Variants in DLST observed in about 807,000 individuals in gnomAD.
The protein encoded by DLST is dihydrolipoyllysine-residue succinyltransferase component of 2-oxoglutarate dehydrogenase complex, mitochondrial.
DLST carries 17 observed loss-of-function variants against 53.1 expected under a neutral mutation model. The ratio of observed to expected loss-of-function variants is 0.32; its 90% CI spans 0.22 to 0.48. The LOEUF is 0.48. Among genes scored for constraint, DLST ranks in the 20% least tolerant of loss-of-function variants. The pLI, the probability that DLST is intolerant of heterozygous loss-of-function variation, is 0.99. For synonymous variants in DLST, 206 were observed against 204.8 expected, an observed-to-expected ratio of 1.01 and a Z score of -0.05; for missense variants, 512 against 583.9, an observed-to-expected ratio of 0.88 and a Z score of 1.27.
intron 10 of DLST, among the ~76,000 whole-genome samples, chr14:74,898,117 C>T (rs922550245): frequency 6.6e-6 from 1 of 152,004 alleles, no homozygotes; most frequent in African/African-American, 2.4e-5. Context: ...TCTGTGACTT[C>T]TAGACCATGA....
At chr14:74,891,438 T>TA in intron 7 of DLST, 1 of 1,108,014 alleles carries the variant, frequency 9.0e-7, no homozygotes, top group Non-Finnish European at 1.1e-6. Context: ...TTCTTATAGA[T>TA]ATACAGATTG....
At chr14:74,884,071 C>T (rs1334000753) in intron 2 of DLST, among the ~76,000 whole-genome samples, 4 of 152,086 alleles carry the variant, frequency 2.6e-5, no homozygotes, top group African/African-American at 9.7e-5. Context: ...TAAAGGCTTC[C>T]CTGAAGAAGT....
chr14:74,893,948 A>C (rs1477083951), intron 9 of DLST, among the ~76,000 whole-genome samples: 1 of 152,208 alleles, frequency 6.6e-6, no homozygotes, highest in Non-Finnish European at 1.5e-5. Context: ...TTCCACAAAT[A>C]GCTATTCTTA....
intron 9 of DLST, 148 bp downstream of exon 9, chr14:74,893,572 A>T: frequency 1.3e-6 from 1 of 798,700 alleles, no homozygotes; most frequent in Admixed American, 2.3e-5. Context: ...ACTTCTTCAT[A>T]GTCACATAAC....
At chr14:74,895,743 T>C (rs1209789715) in intron 10 of DLST, among the ~76,000 whole-genome samples, 1 of 152,022 alleles carries the variant, frequency 6.6e-6, no homozygotes, top group Admixed American at 6.6e-5. Flanking sequence ...CTACTAAAAA[T>C]ACAAAAATTA....
Position 74,893,338 on chromosome 14 carries a change from T to G in DLST, c.596-10T>G. 6.2e-7 allele frequency: 1 copy of G among 1,614,198 alleles called. No homozygotes were observed. The highest frequency in any genetic ancestry group is 8.5e-7 in the Non-Finnish European group (1 of 1,180,026). ...TGTCTGATGCAGCTTTATCCTCTTT[T>G]CATTTTCAGTGTCTGCAGTAAAACC... On this transcript the variant is annotated splice_polypyrimidine_tract_variant and intron_variant, in intron 8 of 14. Coordinates refer to ENST00000334220, the MANE Select transcript of DLST (RefSeq NM_001933.5).
chr14:74,889,365 C>CTTTTT lies in DLST; in HGVS notation c.274+17_274+18insTTTTT, dbSNP rs774104075. The CTTTTT allele has an allele frequency of 1.4e-6, 2 of 1,425,976 alleles. No homozygotes were observed. The highest frequency in any genetic ancestry group is 1.9e-6 in the Non-Finnish European group (2 of 1,056,936). The allele number at this position is 1,425,976 out of a possible 1,614,324, so 88.3% of individuals were successfully genotyped here. ...TGGGAGAAAGGTAAGATTTAGTTTCCTATTTTTTTTTTTTTTTTTTTTGAG... is the reference window on the plus strand; with the variant it reads ...TGGGAGAAAGGTAAGATTTAGTTTCCTTTTTTATTTTTTTTTTTTTTTTTTTTGAG... On this transcript the variant is annotated intron_variant, in intron 5 of 14. Transcript: ENST00000334220.
At chr14:74,882,064 CG>C in intron 1 of DLST, 48 bp downstream of exon 1, 1 of 1,449,168 alleles carries the variant, frequency 6.9e-7, no homozygotes, top group Non-Finnish European at 9.1e-7. Context: ...AGTCTGTTGG[CG>C]GGCAGAGAGG....
intron 14 of DLST, 41 bp downstream of exon 14, chr14:74,901,274 G>A (rs1884239123): frequency 1.3e-5 from 20 of 1,555,268 alleles, no homozygotes; most frequent in Non-Finnish European, 1.7e-5. Flanking sequence ...GCTAGGTCTC[G>A]ATGAAAGGGA....
At position 74,881,981 on chromosome 14, in the gene DLST, C is replaced by T. The variant is rs765595175; in HGVS notation, c.28C>T (p.Arg10Trp). Residue 10 changes from arginine (R) to tryptophan (W), a missense_variant, in exon 1 of 15, where the codon CGG (arginine) becomes TGG (tryptophan). Physicochemically the swap from Arg to Trp is moderately radical, Grantham distance 101. Transcript: ENST00000334220. ...GCTGTCCCGATCCCGCTGTGTGTCTCGGGCGTTCAGCCGCTCGCTCTCCGC... is the reference window on the plus strand; with the variant it reads ...GCTGTCCCGATCCCGCTGTGTGTCTTGGGCGTTCAGCCGCTCGCTCTCCGC... MLSRSRCVS[R>W]AFSRSLSAFQ... is the part of the protein sequence containing the mutation. 91 of 1,571,880 alleles carry T rather than the reference C, an allele frequency of 5.8e-5. No homozygotes were observed. The highest frequency in any genetic ancestry group is 7.2e-5 in the Non-Finnish European group (84 of 1,167,056).
At chr14:74,885,548 T>G (rs764816634) in intron 2 of DLST, 38 bp from the exon 3 acceptor site, 3 of 1,608,550 alleles carry the variant, frequency 1.9e-6, no homozygotes, top group African/African-American at 1.3e-5. Context: ...CTTTGTGAGA[T>G]AAGAGTTGTT....
intron 2 of DLST, among the ~76,000 whole-genome samples, chr14:74,883,266 G>C (rs1389817730): frequency 6.8e-6 from 1 of 147,796 alleles, no homozygotes; most frequent in African/African-American, 2.6e-5. Flanking sequence ...CTGCACTCCA[G>C]CCTGGGCGAC....
At chr14:74,899,064 C>T (rs951634601) in intron 11 of DLST, among the ~76,000 whole-genome samples, 8 of 152,202 alleles carry the variant, frequency 5.3e-5, no homozygotes, top group Non-Finnish European at 1.0e-4. Flanking sequence ...GGGGTCAGTG[C>T]TACTTTTGCC....
At position 74,892,855 on chromosome 14, in the gene DLST, C is replaced by A. The variant is rs771125023; in HGVS notation, c.464C>A (p.Pro155Gln). The A allele has an allele frequency of 6.2e-7, 1 of 1,612,760 alleles. No individual in the cohort carries two copies. Among genetic ancestry groups the A allele is most frequent in the African/African-American group, 1.3e-5 (1 of 74,924 alleles). ...KTGAAPAKAK[P>Q]AEAPAAAAPK... ...TCAGCTGCTCCTGCTAAGGCCAAGC[C>A]GGCTGAAGCTCCTGCTGCTGCAGCC... The change falls in exon 8 of 15, where the codon CCG becomes CAG. Residue 155 changes from proline (P) to glutamine (Q), a missense_variant. This residue lies in a region of DLST where 162 missense variants were observed against 162.0 expected (regional missense o/e 1.00). Coordinates refer to ENST00000334220, the MANE Select transcript of DLST (RefSeq NM_001933.5).
At chr14:74,884,669 C>T (rs1883643208) in intron 2 of DLST, among the ~76,000 whole-genome samples, 1 of 152,152 alleles carries the variant, frequency 6.6e-6, no homozygotes, top group Non-Finnish European at 1.5e-5. Context: ...TGTGAGCCGC[C>T]ATCTATTCTA....
chr14:74,885,669 C>T (rs763539320), intron 3 of DLST, 35 bp downstream of exon 3: 8 of 1,566,104 alleles, frequency 5.1e-6, no homozygotes, highest in East Asian at 2.3e-5. Context: ...TATGTGGCCA[C>T]GGGTTATTTA....
In DLST at chr14:74,891,187, G is replaced by A. The variant is rs779577674; in HGVS notation, c.442+20G>A. The A allele has an allele frequency of 1.9e-6, 3 of 1,613,878 alleles. No individual in the cohort carries two copies. The East Asian group carries it at 6.7e-5, about 36-fold the overall frequency. On this transcript the variant is annotated intron_variant, in intron 7 of 14. Transcript: ENST00000334220. ...CTGGTGGTAAAGAAGTTCTCCTGGT[G>A]GTCAAGGTCTCCAGTGTTCCCTCTT...
At chr14:74,895,283 G>T (rs1056657319) in intron 10 of DLST, among the ~76,000 whole-genome samples, 4 of 152,210 alleles carry the variant, frequency 2.6e-5, no homozygotes, top group Admixed American at 2.6e-4. Flanking sequence ...AATAACCTTA[G>T]AATGTTAACC....
rs540680102 is a variant in DLST at position 74,889,869 on chromosome 14, G to T, written c.275-28G>T. 31 of 1,613,118 alleles carry T rather than the reference G, an allele frequency of 1.9e-5. No individual in the cohort carries two copies. In the African/African-American group the frequency reaches 3.7e-4, roughly 19 times the overall value. ...ACTGGAGGCTCCCCGCTAACAGGTA[G>T]CCTTGTAGCCTTTGATTGTCTTTTC... On this transcript the variant is annotated intron_variant, in intron 5 of 14. Coordinates refer to ENST00000334220, the MANE Select transcript of DLST (RefSeq NM_001933.5).
Sources: gnomAD v4.1 joint callset for allele counts (sites outside exome capture counted in the v4.1 genomes callset) on GRCh38, gnomAD v4.1.1 for gene constraint, gnomAD v4.1.1 regional missense constraint, MANE v1.5 for transcripts, NCBI Gene and HGNC (gene_info 2026-07-23, HGNC 2026-07-21) for gene names.